HMGCLL1: variants seen among roughly 807,000 people sequenced by gnomAD.
HMGCLL1 encodes the protein 3-hydroxy-3-methylglutaryl-CoA lyase like 1, also known as 3-hydroxymethyl-3-methylglutaryl-CoA lyase, cytoplasmic.
A neutral mutation model predicts 39.1 loss-of-function variants in HMGCLL1; 36 were observed. The ratio of observed to expected loss-of-function variants is 0.92; its 90% CI spans 0.71 to 1.22. The LOEUF is 1.22. Ranked by LOEUF, HMGCLL1 falls within the 50% of genes most tolerant of loss-of-function variation. The pLI is 0.00. For synonymous variants in HMGCLL1, 149 were observed against 144.0 expected, an observed-to-expected ratio of 1.03 and a Z score of -0.25; for missense variants, 451 against 416.5, an observed-to-expected ratio of 1.08 and a Z score of -0.72.
At chr6:55,562,463 G>T (rs1197018076) in intron 1 of HMGCLL1, among the ~76,000 whole-genome samples, 1 of 152,034 alleles carries the variant, frequency 6.6e-6, no homozygotes, top group African/African-American at 2.4e-5. Flanking sequence ...CGAAAAAAAT[G>T]AGAGATGATT....
chr6:55,546,674 G>A (rs1769996603), intron 1 of HMGCLL1, among the ~76,000 whole-genome samples: 1 of 152,044 alleles, frequency 6.6e-6, no homozygotes, highest in African/African-American at 2.4e-5. Context: ...GAAAATTAAC[G>A]AATGACTTGT....
chr6:55,661,658 C>A, the HMGCLL1 span, among the ~76,000 whole-genome samples: 2 of 151,490 alleles, frequency 1.3e-5, no homozygotes. Flanking sequence ...TGCCTCCAGC[C>A]TTATTCTTTT....
chr6:55,524,506 G>T (rs555734381), intron 3 of HMGCLL1, among the ~76,000 whole-genome samples: 56 of 144,304 alleles, frequency 3.9e-4, no homozygotes, highest in African/African-American at 1.3e-3. Flanking sequence ...GATGTATTCA[G>T]TATCTAAAGT....
At chr6:55,553,157 C>CTA (rs1252439459) in intron 1 of HMGCLL1, among the ~76,000 whole-genome samples, 2,178 of 116,882 alleles carry the variant, frequency 0.019, 9 homozygotes, top group South Asian at 0.025. Context: ...CTCTCTCTCT[C>CTA]TCTATATATA....
At chr6:55,493,559 T>A (rs1766420248) in intron 7 of HMGCLL1, among the ~76,000 whole-genome samples, 1 of 152,154 alleles carries the variant, frequency 6.6e-6, no homozygotes, top group African/African-American at 2.4e-5. Flanking sequence ...TTTATCTGAA[T>A]ACATTAGTCT....
intron 3 of HMGCLL1, among the ~76,000 whole-genome samples, chr6:55,529,584 G>C (rs1054798326): frequency 6.6e-6 from 1 of 152,082 alleles, no homozygotes; most frequent in African/African-American, 2.4e-5. Context: ...GGAGATCTCC[G>C]TTTTGATATA....
intron 5 of HMGCLL1, among the ~76,000 whole-genome samples, chr6:55,509,101 C>T (rs1767309683): frequency 6.6e-6 from 1 of 151,782 alleles, no homozygotes; most frequent in South Asian, 2.1e-4. Flanking sequence ...TTAAACAAAC[C>T]ATATGTATGA....
chr6:55,497,807 A>C (rs1766654026), intron 6 of HMGCLL1, among the ~76,000 whole-genome samples: 1 of 152,152 alleles, frequency 6.6e-6, no homozygotes, highest in African/African-American at 2.4e-5. Context: ...TGCAAATGTT[A>C]ATGGCTTCCA....
the HMGCLL1 span, among the ~76,000 whole-genome samples, chr6:55,623,121 T>A: frequency 6.6e-6 from 1 of 151,926 alleles, no homozygotes; most frequent in Non-Finnish European, 1.5e-5. Context: ...CATCTCTGAC[T>A]TTGTTTGATT....
the HMGCLL1 span, among the ~76,000 whole-genome samples, chr6:55,666,836 C>A: frequency 6.6e-6 from 1 of 151,674 alleles, no homozygotes. Flanking sequence ...CATGGAACAT[C>A]CCTTAACCAG....
chr6:55,603,326 T>C, the HMGCLL1 span, among the ~76,000 whole-genome samples: 45 of 152,264 alleles, frequency 3.0e-4, no homozygotes, highest in African/African-American at 9.1e-4. Context: ...TTTGGCACTC[T>C]TTTGAACTTC....
chr6:55,631,822 A>C, the HMGCLL1 span, among the ~76,000 whole-genome samples: 1 of 152,150 alleles, frequency 6.6e-6, no homozygotes, highest in African/African-American at 2.4e-5. Flanking sequence ...TTGATTTAAT[A>C]AAGTTTATAC....
At chr6:55,464,080 T>C (rs1223054585) in intron 7 of HMGCLL1, among the ~76,000 whole-genome samples, 1 of 152,188 alleles carries the variant, frequency 6.6e-6, no homozygotes, top group Non-Finnish European at 1.5e-5. Flanking sequence ...AGAATTAACA[T>C]TTTGAAAGAT....
intron 7 of HMGCLL1, 83 bp downstream of exon 7, chr6:55,495,333 TAAC>T (rs1766514514): frequency 9.7e-7 from 1 of 1,034,228 alleles, no homozygotes; most frequent in South Asian, 1.7e-5. Context: ...ATGAAAATTG[TAAC>T]AATACAGCTT....
the HMGCLL1 span, among the ~76,000 whole-genome samples, chr6:55,647,744 C>T: frequency 6.7e-3 from 552 of 82,148 alleles, 2 homozygotes; most frequent in South Asian, 0.018. Context: ...TTTTTTTTTT[C>T]CTTTTTTTTT....
the HMGCLL1 span, among the ~76,000 whole-genome samples, chr6:55,589,285 C>A: frequency 6.6e-6 from 1 of 152,232 alleles, no homozygotes; most frequent in Admixed American, 6.5e-5. Context: ...AGCATATAAA[C>A]AGAACCAAAG....
At chr6:55,570,563 A>C (rs890571538) in intron 1 of HMGCLL1, among the ~76,000 whole-genome samples, 1 of 152,162 alleles carries the variant, frequency 6.6e-6, no homozygotes, top group African/African-American at 2.4e-5. Context: ...TTCATATATC[A>C]AGGCCATTAG....
chr6:55,602,144 T>C, the HMGCLL1 span, among the ~76,000 whole-genome samples: 1 of 152,042 alleles, frequency 6.6e-6, no homozygotes, highest in African/African-American at 2.4e-5. Flanking sequence ...AAATACATGG[T>C]CAAATAATCT....
At chr6:55,633,113 G>A in the HMGCLL1 span, among the ~76,000 whole-genome samples, 2 of 151,988 alleles carry the variant, frequency 1.3e-5, no homozygotes, top group African/African-American at 2.4e-5. Context: ...TACAGTGCTG[G>A]CCAATTCACT....
Sources: gnomAD v4.1 joint callset for allele counts (sites outside exome capture counted in the v4.1 genomes callset) on GRCh38, gnomAD v4.1.1 for gene constraint, MANE v1.5 for transcripts, NCBI Gene and HGNC (gene_info 2026-07-23, HGNC 2026-07-21) for gene names.